Variants in RGL1 observed in about 807,000 individuals in gnomAD.
The protein encoded by RGL1 is ral guanine nucleotide dissociation stimulator-like 1.
Under a neutral mutation model 95.2 loss-of-function variants are expected in RGL1, and 24 were observed. The observed-to-expected ratio is 0.25, with a 90% CI of 0.18 to 0.35. RGL1 has a LOEUF of 0.35. Among genes scored for constraint, RGL1 ranks in the 10% least tolerant of loss-of-function variants. The pLI is 1.00. For synonymous variants in RGL1, 329 were observed against 344.9 expected (o/e 0.95, Z 0.51); for missense variants, 715 against 936.3 (o/e 0.76, Z 3.08).
chr1:183,659,428 G>A (rs142523425), intron 1 of RGL1, among the ~76,000 whole-genome samples: 1,581 of 152,280 alleles, frequency 0.01, 30 homozygotes, highest in African/African-American at 0.036. Flanking sequence ...CTCAGGAGCC[G>A]ATGTGATCAA....
intron 16 of RGL1, among the ~76,000 whole-genome samples, chr1:183,917,161 A>C (rs1264782551): frequency 6.6e-6 from 1 of 152,188 alleles, no homozygotes; most frequent in African/African-American, 2.4e-5. Context: ...TTTGTCATTT[A>C]GTCATTTGGA....
At chr1:183,661,327 G>A (rs1268836843) in intron 1 of RGL1, among the ~76,000 whole-genome samples, 1 of 152,032 alleles carries the variant, frequency 6.6e-6, no homozygotes, top group Non-Finnish European at 1.5e-5. Flanking sequence ...TAGTAAAGAA[G>A]AAAAGAGAGA....
intron 2 of RGL1, among the ~76,000 whole-genome samples, chr1:183,827,334 C>G (rs747958894): frequency 6.6e-6 from 1 of 151,994 alleles, no homozygotes; most frequent in African/African-American, 2.4e-5. Flanking sequence ...TTTTTCCAGT[C>G]TCAGAGACCT....
intron 14 of RGL1, among the ~76,000 whole-genome samples, chr1:183,907,833 A>C (rs755180914): frequency 6.6e-6 from 1 of 151,998 alleles, no homozygotes; most frequent in African/African-American, 2.4e-5. Context: ...CTACAAAAAA[A>C]TATCACTTAA....
chr1:183,821,530 G>C (rs1216166307), intron 2 of RGL1, among the ~76,000 whole-genome samples: 1 of 152,162 alleles, frequency 6.6e-6, no homozygotes, highest in Non-Finnish European at 1.5e-5. Context: ...CAGGAGGCCT[G>C]GTCTGCTCTG....
intron 15 of RGL1, among the ~76,000 whole-genome samples, 198 bp downstream of exon 15, chr1:183,912,466 C>T (rs1013170126): frequency 1.3e-5 from 2 of 152,116 alleles, no homozygotes; most frequent in African/African-American, 2.4e-5. Flanking sequence ...TAAGCAGTTT[C>T]GTTTATTCAT....
At chr1:183,813,954 T>C (rs987273701) in intron 2 of RGL1, among the ~76,000 whole-genome samples, 22 of 152,228 alleles carry the variant, frequency 1.4e-4, no homozygotes, top group Admixed American at 1.4e-3. Context: ...TAGGATTTGG[T>C]TCACCTTATA....
intron 3 of RGL1, among the ~76,000 whole-genome samples, chr1:183,856,402 G>T (rs1270592753): frequency 6.6e-6 from 1 of 151,582 alleles, no homozygotes; most frequent in African/African-American, 2.4e-5. Context: ...TTAATGAAGA[G>T]AATATGGAAT....
At chr1:183,694,149 A>G (rs77404665) in intron 1 of RGL1, among the ~76,000 whole-genome samples, 9,656 of 152,218 alleles carry the variant, frequency 0.063, 512 homozygotes, top group African/African-American at 0.14. Context: ...GTGAGGGACT[A>G]TCAGAGAGAA....
chr1:183,818,911 C>T (rs542993434), intron 2 of RGL1, among the ~76,000 whole-genome samples: 4 of 152,218 alleles, frequency 2.6e-5, no homozygotes, highest in Admixed American at 6.5e-5. Context: ...TTTGCCTCAT[C>T]TTTGTCATCA....
chr1:183,683,459 A>T (rs910807088), intron 1 of RGL1, among the ~76,000 whole-genome samples: 1 of 152,184 alleles, frequency 6.6e-6, no homozygotes, highest in African/African-American at 2.4e-5. Flanking sequence ...TCTGGGTTGA[A>T]AATTCTTTTC....
intron 3 of RGL1, among the ~76,000 whole-genome samples, chr1:183,859,072 C>T (rs745453051): frequency 1.3e-5 from 2 of 152,180 alleles, no homozygotes; most frequent in Non-Finnish European, 2.9e-5. Context: ...TGAGTGCTGC[C>T]TCCTTCCTAC....
chr1:183,713,052 G>A (rs1436546145), intron 1 of RGL1, among the ~76,000 whole-genome samples: 1 of 152,002 alleles, frequency 6.6e-6, no homozygotes, highest in African/African-American at 2.4e-5. Flanking sequence ...TTGAGACAGA[G>A]TCTCCCTCTC....
At chr1:183,862,068 A>G (rs963544417) in intron 3 of RGL1, among the ~76,000 whole-genome samples, 1 of 152,196 alleles carries the variant, frequency 6.6e-6, no homozygotes, top group African/African-American at 2.4e-5. Context: ...ATGGCCTGGC[A>G]TGTTGGCTTA....
intron 4 of RGL1, among the ~76,000 whole-genome samples, chr1:183,877,106 C>G (rs933862730): frequency 6.6e-6 from 1 of 152,170 alleles, no homozygotes; most frequent in African/African-American, 2.4e-5. Context: ...TTCCTTAGTT[C>G]CCCGGTGGGA....
At chr1:183,787,752 G>A (rs949205650) in intron 2 of RGL1, among the ~76,000 whole-genome samples, 1 of 151,812 alleles carries the variant, frequency 6.6e-6, no homozygotes, top group Non-Finnish European at 1.5e-5. Flanking sequence ...ATGGCTTAGT[G>A]TCATCCTTGC....
rs149119918 is a variant in RGL1, at chr1:183,730,157, G to A, written c.-32-11969G>A. ...TGTATGTAGTAGTTGCTGTTTTTGA[G>A]GGGCAACATCTTGGAGTCAGTAAAG... On this transcript the variant is annotated intron_variant, in intron 1 of 18. Coordinates refer to the RGL1 transcript ENST00000304685. 2.1e-3 allele frequency among the ~76,000 whole-genome samples: 313 copies of A among 152,214 alleles called. 2 individuals are homozygous for A. The highest frequency in any genetic ancestry group is 3.3e-3 in the Non-Finnish European group (225 of 68,008).
At chr1:183,825,998 A>G (rs983165064) in intron 2 of RGL1, among the ~76,000 whole-genome samples, 4 of 106,678 alleles carry the variant, frequency 3.7e-5, no homozygotes, top group African/African-American at 9.6e-5. Context: ...CCCTGTTTCT[A>G]TTTTTAAAAT....
chr1:183,767,286 T>C (rs1336398131), intron 2 of RGL1, among the ~76,000 whole-genome samples: 1 of 147,342 alleles, frequency 6.8e-6, no homozygotes, highest in Non-Finnish European at 1.5e-5. Flanking sequence ...GTAATATGTA[T>C]ATATAAGTAA....
Sources: allele counts gnomAD v4.1 joint callset (sites outside exome capture counted in the v4.1 genomes callset), GRCh38; gene constraint gnomAD v4.1.1; transcripts MANE v1.5; gene names NCBI Gene and HGNC (gene_info 2026-07-23, HGNC 2026-07-21).